Variants in DYNLL1 observed in about 807,000 individuals in gnomAD.
DYNLL1 encodes the protein dynein light chain LC8-type 1.
In DYNLL1, 3 loss-of-function variants were observed where a neutral mutation model predicts 10.1. The observed-to-expected ratio is 0.30, with a 90% CI of 0.14 to 0.77. DYNLL1 has a LOEUF of 0.77. Ranked by LOEUF, DYNLL1 falls within the 30% of genes least tolerant of loss-of-function variation. DYNLL1 has a pLI of 0.66. For missense variants in DYNLL1, 47 were observed against 111.7 expected (o/e 0.42, Z 2.61); for synonymous variants, 46 against 41.2 (o/e 1.12, Z -0.45).
intron 1 of DYNLL1, among the ~76,000 whole-genome samples, chr12:120,483,168 T>G (rs1200407578): frequency 6.6e-6 from 1 of 151,656 alleles, no homozygotes; most frequent in East Asian, 1.9e-4. Context: ...TGAAACCCCG[T>G]CTCTACTAAA....
At chr12:120,489,965 C>T (rs1004382525) in intron 1 of DYNLL1, among the ~76,000 whole-genome samples, 15 of 152,184 alleles carry the variant, frequency 9.9e-5, no homozygotes, top group Admixed American at 5.2e-4. Flanking sequence ...CCAGGCTGGT[C>T]CCGAACTCCT....
At chr12:120,485,621 C>G (rs1878976512) in intron 1 of DYNLL1, among the ~76,000 whole-genome samples, 1 of 151,862 alleles carries the variant, frequency 6.6e-6, no homozygotes, top group African/African-American at 2.4e-5. Flanking sequence ...GGGAGGATTG[C>G]TTGAGCCCAG....
chr12:120,472,000 A>C (rs1181580377), intron 1 of DYNLL1, among the ~76,000 whole-genome samples: 1 of 138,856 alleles, frequency 7.2e-6, no homozygotes, highest in African/African-American at 2.5e-5. Flanking sequence ...TGTGCAATTA[A>C]AAAAATTAAA....
intron 1 of DYNLL1, among the ~76,000 whole-genome samples, chr12:120,473,077 G>A (rs1449043170): frequency 6.6e-6 from 1 of 152,156 alleles, no homozygotes; most frequent in African/African-American, 2.4e-5. Context: ...CTGTCCTTGA[G>A]TTGTGTATAT....
intron 1 of DYNLL1, among the ~76,000 whole-genome samples, chr12:120,487,106 C>T (rs997921367): frequency 8.6e-5 from 13 of 150,910 alleles, no homozygotes; most frequent in Admixed American, 6.6e-5. Context: ...TCCCTAGTAG[C>T]TGGGACTACA....
At chr12:120,487,768 A>G (rs787821) in intron 1 of DYNLL1, among the ~76,000 whole-genome samples, 40,984 of 152,068 alleles carry the variant, frequency 0.27, 6,625 homozygotes, top group Admixed American at 0.39. Flanking sequence ...CCAGGCACAG[A>G]CTTATCCCAT....
intron 1 of DYNLL1, among the ~76,000 whole-genome samples, chr12:120,481,208 CT>C (rs1413237510): frequency 1.3e-5 from 2 of 152,136 alleles, no homozygotes; most frequent in African/African-American, 4.8e-5. Flanking sequence ...GTGGTGCGGT[CT>C]TTATCTCTGG....
intron 1 of DYNLL1, among the ~76,000 whole-genome samples, chr12:120,470,648 G>T (rs1366977783): frequency 6.6e-6 from 1 of 152,136 alleles, no homozygotes; most frequent in South Asian, 2.1e-4. Context: ...TTGTAGAGAG[G>T]CTGGTCTCGA....
intron 1 of DYNLL1, among the ~76,000 whole-genome samples, chr12:120,478,385 G>GC (rs985304264): frequency 3.3e-5 from 5 of 150,780 alleles, no homozygotes; most frequent in Non-Finnish European, 7.4e-5. Flanking sequence ...GGGATTACAG[G>GC]CATGAGCCAC....
chr12:120,490,894 T>C (rs1273694349), intron 1 of DYNLL1: 1 of 152,224 alleles, frequency 6.6e-6, no homozygotes, highest in Non-Finnish European at 1.5e-5. Context: ...GCATCACTGA[T>C]CTTTGCCATG....
Position 120,480,462 on chromosome 12 carries a change from G to C in DYNLL1, c.-7+10358G>C, listed in dbSNP as rs373639075. Among the ~76,000 whole-genome samples, 24 of 152,260 alleles carry C rather than the reference G, an allele frequency of 1.6e-4. No homozygotes were observed. In the South Asian group the frequency reaches 3.9e-3, roughly 25 times the overall value. ...TGGCCTTCAGGATGTGCCTGAAGCA[G>C]CTTCTCCTCCACTCCTGCTACTCCT... On this transcript the variant is annotated intron_variant, in intron 1 of 2. Coordinates refer to the DYNLL1 transcript ENST00000392509.
chr12:120,471,192 G>A (rs536392374), intron 1 of DYNLL1, among the ~76,000 whole-genome samples: 12 of 146,856 alleles, frequency 8.2e-5, no homozygotes, highest in East Asian at 2.0e-4. Context: ...GGCAAGACCC[G>A]CCCCCCTACT....
At chr12:120,477,711 G>A (rs971134193) in intron 1 of DYNLL1, among the ~76,000 whole-genome samples, 3 of 152,050 alleles carry the variant, frequency 2.0e-5, no homozygotes, top group African/African-American at 7.2e-5. Context: ...GGAGTTGGAG[G>A]CTGCTTTGAA....
chr12:120,485,839 TAAA>T (rs749971979), intron 1 of DYNLL1, among the ~76,000 whole-genome samples: 3 of 76,242 alleles, frequency 3.9e-5, no homozygotes, highest in Admixed American at 1.7e-4. Flanking sequence ...AGTCCCTGTC[TAAA>T]AAAAAAAAAA....
chr12:120,496,749 T>G (rs977814459), intron 2 of DYNLL1, 196 bp downstream of exon 2: 12 of 775,128 alleles, frequency 1.5e-5, no homozygotes, highest in Admixed American at 6.0e-5. Flanking sequence ...AAGTTTTTTT[T>G]TTTTTTTTTT....
upstream of DYNLL1, among the ~76,000 whole-genome samples, chr12:120,494,290 CTTTTTTTTTT>C (rs550901143): frequency 1.4e-5 from 2 of 141,668 alleles, no homozygotes; most frequent in African/African-American, 5.2e-5. Flanking sequence ...CATTTTTTTC[CTTTTTTTTTT>C]TTTTGAGACG....
chr12:120,471,980 C>T (rs1370004843), intron 1 of DYNLL1, among the ~76,000 whole-genome samples: 1 of 151,952 alleles, frequency 6.6e-6, no homozygotes, highest in African/African-American at 2.4e-5. Context: ...GTATATTTAT[C>T]ATTGCATTCT....
At chr12:120,478,975 G>A (rs1878816668) in intron 1 of DYNLL1, among the ~76,000 whole-genome samples, 2 of 147,558 alleles carry the variant, frequency 1.4e-5, no homozygotes, top group South Asian at 4.7e-4. Context: ...GTGAGCCACC[G>A]CACCAGGCTG....
chr12:120,477,860 G>C (rs545010563), intron 1 of DYNLL1, among the ~76,000 whole-genome samples: 1 of 150,452 alleles, frequency 6.6e-6, no homozygotes, highest in African/African-American at 2.4e-5. Context: ...GCAATGGTGC[G>C]ATGTCAGCTC....
Sources: gnomAD v4.1 joint callset for allele counts (sites outside exome capture counted in the v4.1 genomes callset) on GRCh38, gnomAD v4.1.1 for gene constraint, MANE v1.5 for transcripts, NCBI Gene and HGNC (gene_info 2026-07-23, HGNC 2026-07-21) for gene names.